The following NBEA variants were observed in gnomAD, a reference collection of about 807,000 sequenced individuals.
NBEA encodes the protein neurobeachin.
NBEA carries 44 observed loss-of-function variants against 343.4 expected under a neutral mutation model. The observed-to-expected ratio is 0.13, with a 90% CI of 0.10 to 0.16. The LOEUF is 0.16. Ranked by LOEUF, NBEA falls within the 10% of genes least tolerant of loss-of-function variation. NBEA has a pLI of 1.00. For synonymous variants in NBEA, 1,175 were observed against 1,238.7 expected (o/e 0.95, Z 1.08); for missense variants, 2,555 against 3,631.3 (o/e 0.70, Z 7.62).
chr13:35,585,017 T>A (rs887023252), intron 46 of NBEA, among the ~76,000 whole-genome samples: 1 of 150,916 alleles, frequency 6.6e-6, no homozygotes, highest in Non-Finnish European at 1.5e-5. Flanking sequence ...CCCTCCCTCA[T>A]TCTTTCTTCT....
At chr13:35,044,049 T>C (rs1294175923) in intron 2 of NBEA, among the ~76,000 whole-genome samples, 1 of 152,140 alleles carries the variant, frequency 6.6e-6, no homozygotes, top group African/African-American at 2.4e-5. Flanking sequence ...AATCACAATA[T>C]GTAGAGAAAG....
intron 36 of NBEA, among the ~76,000 whole-genome samples, chr13:35,331,368 G>A (rs1053948224): frequency 6.6e-6 from 1 of 151,948 alleles, no homozygotes; most frequent in Non-Finnish European, 1.5e-5. Flanking sequence ...ATCTGAAATA[G>A]TATACTCCCA....
At chr13:35,081,527 GC>G (rs2064397520) in intron 10 of NBEA, among the ~76,000 whole-genome samples, 1 of 151,216 alleles carries the variant, frequency 6.6e-6, no homozygotes, top group Admixed American at 6.6e-5. Flanking sequence ...AGATGGGCAA[GC>G]TTTTTTTTTT....
intron 49 of NBEA, among the ~76,000 whole-genome samples, chr13:35,633,595 A>G (rs1361865691): frequency 6.6e-6 from 1 of 151,914 alleles, no homozygotes; most frequent in Non-Finnish European, 1.5e-5. Flanking sequence ...CAGCTCAACC[A>G]TTAGTATTTG....
chr13:35,365,018 G>A (rs1436943196), intron 38 of NBEA, among the ~76,000 whole-genome samples: 1 of 151,698 alleles, frequency 6.6e-6, no homozygotes, highest in East Asian at 1.9e-4. Flanking sequence ...AAAGCACTTA[G>A]TGATGTAGAT....
intron 1 of NBEA, among the ~76,000 whole-genome samples, chr13:35,023,293 C>T (rs556725054): frequency 6.6e-6 from 1 of 152,148 alleles, no homozygotes; most frequent in South Asian, 2.1e-4. Flanking sequence ...TATAAAGGGA[C>T]ACTGTCAGTG....
chr13:35,103,510 G>A (rs2065758197), intron 11 of NBEA, among the ~76,000 whole-genome samples: 2 of 150,916 alleles, frequency 1.3e-5, no homozygotes, highest in African/African-American at 4.9e-5. Flanking sequence ...CCTGGAAAGC[G>A]TTTCACTTTT....
chr13:35,136,648 G>A (rs1476696197), intron 17 of NBEA, among the ~76,000 whole-genome samples: 1 of 152,170 alleles, frequency 6.6e-6, no homozygotes, highest in Non-Finnish European at 1.5e-5. Context: ...TAAACATTTG[G>A]CTGGCCTCAG....
At chr13:35,368,367 T>C (rs545082946) in intron 38 of NBEA, among the ~76,000 whole-genome samples, 9 of 151,642 alleles carry the variant, frequency 5.9e-5, no homozygotes, top group Admixed American at 2.0e-4. Context: ...CTCAGCCTTT[T>C]TGTGACTGGT....
intron 37 of NBEA, among the ~76,000 whole-genome samples, chr13:35,351,382 T>A (rs2040192307): frequency 6.6e-6 from 1 of 151,962 alleles, no homozygotes; most frequent in African/African-American, 2.4e-5. Flanking sequence ...AATTTATAAT[T>A]AAAGAAATAT....
intron 44 of NBEA, among the ~76,000 whole-genome samples, chr13:35,559,747 C>G (rs1566320575): frequency 6.6e-6 from 1 of 151,878 alleles, no homozygotes; most frequent in Non-Finnish European, 1.5e-5. Context: ...AACCCCGTCT[C>G]TACTAAAAAT....
At chr13:35,230,019 A>T (rs2074880158) in intron 33 of NBEA, among the ~76,000 whole-genome samples, 2 of 152,144 alleles carry the variant, frequency 1.3e-5, no homozygotes, top group Admixed American at 6.6e-5. Context: ...TGAGTAAAAT[A>T]TTATATTCTT....
chr13:35,331,575 T>A (rs1451175818), intron 36 of NBEA, among the ~76,000 whole-genome samples: 1 of 152,064 alleles, frequency 6.6e-6, no homozygotes, highest in African/African-American at 2.4e-5. Context: ...TAATAGAAAT[T>A]GTTTATATTT....
At chr13:35,565,791 C>A (rs1215212151) in intron 44 of NBEA, among the ~76,000 whole-genome samples, 1 of 152,054 alleles carries the variant, frequency 6.6e-6, no homozygotes, top group African/African-American at 2.4e-5. Context: ...AATATCATAC[C>A]TGAAATATTT....
At chr13:35,554,251 T>G (rs1356762671) in intron 43 of NBEA, among the ~76,000 whole-genome samples, 4 of 152,202 alleles carry the variant, frequency 2.6e-5, no homozygotes, top group African/African-American at 9.6e-5. Context: ...TGAAAAATTA[T>G]GGAGATACTA....
chr13:35,484,318 G>GT, intron 41 of NBEA, among the ~76,000 whole-genome samples: 1 of 142,670 alleles, frequency 7.0e-6, no homozygotes, highest in East Asian at 2.2e-4. Context: ...ATTTAAAATT[G>GT]TTTTTTACTT....
intron 13 of NBEA, among the ~76,000 whole-genome samples, chr13:35,114,049 A>C (rs377489991): frequency 1.3e-5 from 2 of 152,146 alleles, no homozygotes; most frequent in South Asian, 4.1e-4. Context: ...CCCGCCCTGA[A>C]ATTAGCCATT....
At chr13:34,968,512 A>C (rs1593310725) in intron 1 of NBEA, among the ~76,000 whole-genome samples, 1 of 152,152 alleles carries the variant, frequency 6.6e-6, no homozygotes, top group East Asian at 1.9e-4. Context: ...CTGTGCCAAG[A>C]ATTGGGGGCA....
At chr13:35,586,921 T>C (rs1177192906) in intron 46 of NBEA, among the ~76,000 whole-genome samples, 1 of 152,084 alleles carries the variant, frequency 6.6e-6, no homozygotes, top group Non-Finnish European at 1.5e-5. Flanking sequence ...GTCACAAAAA[T>C]TTACCAGTCA....
Sources: gnomAD v4.1 joint callset for allele counts (sites outside exome capture counted in the v4.1 genomes callset) on GRCh38, gnomAD v4.1.1 for gene constraint, MANE v1.5 for transcripts, NCBI Gene and HGNC (gene_info 2026-07-23, HGNC 2026-07-21) for gene names.